The following FLI1 variants were observed in gnomAD, a reference collection of about 807,000 sequenced individuals.
FLI1 encodes Friend leukemia integration 1 transcription factor.
In FLI1, 13 loss-of-function variants were observed where a neutral mutation model predicts 53.1. That is an observed-to-expected ratio of 0.24 (90% confidence interval 0.16 to 0.39). The LOEUF (loss-of-function observed/expected upper bound fraction) is 0.39, where lower values mean the gene tolerates loss of function less well. Ranked by LOEUF, FLI1 falls within the 10% of genes least tolerant of loss-of-function variation. The pLI is 1.00. For synonymous variants in FLI1, 244 were observed against 236.7 expected, an observed-to-expected ratio of 1.03 and a Z score of -0.28; for missense variants, 424 against 600.5, an observed-to-expected ratio of 0.71 and a Z score of 3.07.
At position 128,810,646 on chromosome 11, in the gene FLI1, C is replaced by T. The variant is rs1275059600; in HGVS notation, c.1017C>T (p.Leu339=). The T allele has an allele frequency of 1.3e-5, 21 of 1,613,974 alleles. No individual in the cohort carries two copies. Among genetic ancestry groups the T allele is most frequent in the Non-Finnish European group, 1.8e-5 (21 of 1,179,948 alleles). ...ATTACGACAAGCTGAGCCGGGCCCT[C>T]CGTTATTACTATGATAAAAACATTA... ...NMNYDKLSRA[L]RYYYDKNIMT... The change falls in exon 9 of 9, where the codon CTC becomes CTT. Residue 339 remains leucine, a synonymous_variant. Transcript: ENST00000527786. The surrounding 1 kb of genome is among the most constrained non-coding windows in gnomAD (Gnocchi z 6.6).
intron 5 of FLI1, among the ~76,000 whole-genome samples, chr11:128,786,025 A>G (rs1942066873): frequency 6.6e-6 from 1 of 152,260 alleles, no homozygotes; most frequent in African/African-American, 2.4e-5. Flanking sequence ...AAATTTTGTA[A>G]ATGCAAAAAT....
intron 1 of FLI1, among the ~76,000 whole-genome samples, chr11:128,712,818 T>C (rs1221851767): frequency 6.6e-6 from 1 of 152,224 alleles, no homozygotes; most frequent in Non-Finnish European, 1.5e-5. Flanking sequence ...TCCAAAGATC[T>C]ATATCCTTGA....
intron 2 of FLI1, among the ~76,000 whole-genome samples, chr11:128,765,814 T>TGC (rs1941319447): frequency 6.6e-6 from 1 of 151,956 alleles, no homozygotes; most frequent in African/African-American, 2.4e-5. Context: ...TGCGTGTGTG[T>TGC]GCACTGTGTT....
chr11:128,737,974 A>G (rs566154527), intron 1 of FLI1, among the ~76,000 whole-genome samples: 53 of 152,234 alleles, frequency 3.5e-4, no homozygotes, highest in Non-Finnish European at 7.1e-4. Flanking sequence ...CTCCCATGAC[A>G]ATACCATTGA....
At chr11:128,738,009 A>G (rs1223532740) in intron 1 of FLI1, among the ~76,000 whole-genome samples, 1 of 152,216 alleles carries the variant, frequency 6.6e-6, no homozygotes, top group Non-Finnish European at 1.5e-5. Context: ...AGGGATCAAC[A>G]AGACGAGGTT....
intron 2 of FLI1, 63 bp downstream of exon 2, chr11:128,758,389 T>G: frequency 7.2e-7 from 1 of 1,395,322 alleles, no homozygotes; most frequent in Non-Finnish European, 1.0e-6. Flanking sequence ...CTGCAGCAAG[T>G]GGCTTCTGGC....
intron 1 of FLI1, among the ~76,000 whole-genome samples, chr11:128,706,632 G>A (rs1938557203): frequency 6.6e-6 from 1 of 152,132 alleles, no homozygotes; most frequent in African/African-American, 2.4e-5. Context: ...CAAACACCAC[G>A]CTCTACAATG....
intron 1 of FLI1, among the ~76,000 whole-genome samples, chr11:128,721,360 G>A (rs1939243021): frequency 6.6e-6 from 1 of 152,244 alleles, no homozygotes; most frequent in Non-Finnish European, 1.5e-5. Context: ...GGTCCCTGCT[G>A]TCACAGAAGA....
chr11:128,757,845 C>T (rs546589789), intron 1 of FLI1, among the ~76,000 whole-genome samples: 1 of 152,294 alleles, frequency 6.6e-6, no homozygotes, highest in South Asian at 2.1e-4. Flanking sequence ...TTTTGGGGGT[C>T]CCAGACTACA....
intron 1 of FLI1, among the ~76,000 whole-genome samples, chr11:128,702,498 G>A (rs1278609039): frequency 6.6e-6 from 1 of 152,224 alleles, no homozygotes; most frequent in Non-Finnish European, 1.5e-5. Context: ...ATTTTTGGAA[G>A]GCTAGGTCTT....
At chr11:128,708,774 G>A (rs903180101) in intron 1 of FLI1, among the ~76,000 whole-genome samples, 4 of 152,108 alleles carry the variant, frequency 2.6e-5, no homozygotes, top group African/African-American at 7.2e-5. Context: ...TAAATCATGC[G>A]GCATTTCAGA....
At chr11:128,712,712 C>T (rs1938836325) in intron 1 of FLI1, among the ~76,000 whole-genome samples, 1 of 152,164 alleles carries the variant, frequency 6.6e-6, no homozygotes, top group South Asian at 2.1e-4. Flanking sequence ...GACCCACCCC[C>T]AGAATTCAAT....
At chr11:128,748,128 G>A (rs1248785608) in intron 1 of FLI1, 3 of 275,974 alleles carry the variant, frequency 1.1e-5, no homozygotes, top group Non-Finnish European at 1.7e-5. Context: ...AGTCCTGGGA[G>A]GATGCAGAGA....
Position 128,811,923 on chromosome 11 carries a change from C to T in FLI1, c.*935C>T, listed in dbSNP as rs1031346113. On this transcript the variant is annotated 3_prime_UTR_variant, in exon 9 of 9. Coordinates refer to ENST00000527786, the MANE Select transcript of FLI1 (RefSeq NM_002017.5). ...AATAAATAAACGAGTTGACCTCGGTCACAAAAGCAGTTTTACTATCGAATC... is the reference window on the plus strand; with the variant it reads ...AATAAATAAACGAGTTGACCTCGGTTACAAAAGCAGTTTTACTATCGAATC... 9 of 200,072 alleles carry T rather than the reference C, an allele frequency of 4.5e-5. No individual in the cohort carries two copies. Among genetic ancestry groups the T allele is most frequent in the Non-Finnish European group, 9.3e-5 (9 of 96,912 alleles). The allele number at this position is 200,072 out of a possible 1,614,324, so 12.4% of individuals were successfully genotyped here.
intron 2 of FLI1, among the ~76,000 whole-genome samples, chr11:128,767,536 A>G (rs904591258): frequency 2.0e-5 from 3 of 152,182 alleles, no homozygotes; most frequent in African/African-American, 4.8e-5. Context: ...TTCGAATACA[A>G]CAGTGCATAA....
At chr11:128,721,023 C>G (rs1263010646) in intron 1 of FLI1, among the ~76,000 whole-genome samples, 1 of 152,234 alleles carries the variant, frequency 6.6e-6, no homozygotes, top group Non-Finnish European at 1.5e-5. Flanking sequence ...TCTCCTCCAG[C>G]CCCAGCTAAC....
chr11:128,803,392 A>G (rs982251502), intron 5 of FLI1, among the ~76,000 whole-genome samples: 9 of 151,874 alleles, frequency 5.9e-5, no homozygotes, highest in African/African-American at 2.2e-4. Flanking sequence ...CTCTCCCTCC[A>G]CATTGCTCTA....
chr11:128,793,066 C>T (rs117029830), intron 5 of FLI1, among the ~76,000 whole-genome samples: 1,850 of 152,042 alleles, frequency 0.012, 13 homozygotes, highest in South Asian at 0.022. Context: ...TGCCATGAGC[C>T]GGGATTGCAC....
Position 128,812,942 on chromosome 11 carries a change from T to C in FLI1, c.*1954T>C, listed in dbSNP as rs1321642884. ...TTTCTCTATTTTACAATGAAAAGAG[T>C]GAGACCTGGGAAGTCCTTGATTTGC... On this transcript the variant is annotated 3_prime_UTR_variant, in exon 9 of 9. Coordinates refer to ENST00000527786, the MANE Select transcript of FLI1 (RefSeq NM_002017.5). 6.0e-6 allele frequency: 1 copy of C among 167,528 alleles called. No homozygotes were observed. Among genetic ancestry groups the C allele is most frequent in the African/African-American group, 2.4e-5 (1 of 41,056 alleles). 10.4% of individuals were successfully genotyped at this position (167,528 alleles called of 1,614,324 possible). A position where few individuals can be genotyped will look rare whatever the true frequency, so the allele number is the denominator to read the frequency against.
Sources: gnomAD v4.1 joint callset for allele counts (sites outside exome capture counted in the v4.1 genomes callset) on GRCh38, gnomAD v4.1.1 for gene constraint, Gnocchi (gnomAD v3.1) non-coding constraint, MANE v1.5 for transcripts, NCBI Gene and HGNC (gene_info 2026-07-23, HGNC 2026-07-21) for gene names.